Variants in PDE11A observed in about 807,000 individuals in gnomAD.
The protein encoded by PDE11A is dual 3',5'-cyclic-AMP and -GMP phosphodiesterase 11A.
In PDE11A, 100 loss-of-function variants were observed where a neutral mutation model predicts 100.5. The ratio of observed to expected loss-of-function variants is 1.00; its 90% confidence interval spans 0.85 to 1.18. The LOEUF (loss-of-function observed/expected upper bound fraction) is 1.18. Ranked by LOEUF, PDE11A falls within the 50% of genes most tolerant of loss-of-function variation. The probability of loss-of-function intolerance (pLI) is 0.00; values close to 1 mark genes in which losing one functional copy is unlikely to be tolerated. For synonymous variants in PDE11A, 381 were observed against 420.8 expected (o/e 0.91, Z 1.16); for missense variants, 1,141 against 1,152.6 (o/e 0.99, Z 0.15).
At chr2:177,681,324 C>T (rs2080860222) in intron 15 of PDE11A, among the ~76,000 whole-genome samples, 1 of 152,220 alleles carries the variant, frequency 6.6e-6, no homozygotes, top group Non-Finnish European at 1.5e-5. Flanking sequence ...ATAAGATAAA[C>T]TCCCTGGTAG....
At position 177,709,192 on chromosome 2, in the gene PDE11A, G is replaced by T. The variant is rs551063194; in HGVS notation, c.2153+2577C>A. Among the ~76,000 whole-genome samples the T allele has an allele frequency of 2.0e-5, 3 of 152,336 alleles. No homozygotes were observed. The East Asian group carries it at 5.8e-4, about 29-fold the overall frequency. On this transcript the variant is annotated intron_variant, in intron 13 of 19. Coordinates refer to ENST00000286063, the MANE Select transcript of PDE11A (RefSeq NM_016953.4). ...CCGAAGGGGCTAAGCTAAGGAACTG[G>T]AACACTATTCTAAAAGCCACAGGAG...
At chr2:178,069,587 G>GAA (rs71410796) in intron 1 of PDE11A, among the ~76,000 whole-genome samples, 3 of 143,442 alleles carry the variant, frequency 2.1e-5, no homozygotes, top group Non-Finnish European at 3.1e-5. Flanking sequence ...GGGGAAAAGG[G>GAA]AAAAAAAAAA....
At chr2:178,072,947 G>T (rs2087158872), upstream of PDE11A, 3 of 985,252 alleles carry the variant, frequency 3.0e-6, no homozygotes, top group Non-Finnish European at 3.6e-6. Flanking sequence ...GGCCGGAATC[G>T]GCGCCTGGGT....
At chr2:178,011,493 G>T (rs1233361476) in intron 2 of PDE11A, among the ~76,000 whole-genome samples, 1 of 152,134 alleles carries the variant, frequency 6.6e-6, no homozygotes, top group African/African-American at 2.4e-5. Context: ...AGATACATAG[G>T]GCGAGGTATA....
intron 2 of PDE11A, among the ~76,000 whole-genome samples, chr2:177,980,297 G>A (rs979677446): frequency 6.6e-6 from 1 of 150,822 alleles, no homozygotes; most frequent in African/African-American, 2.4e-5. Context: ...TATGACTAAT[G>A]TCCAATCAAC....
chr2:177,853,561 T>A (rs1379573748), intron 5 of PDE11A, among the ~76,000 whole-genome samples: 1 of 146,216 alleles, frequency 6.8e-6, no homozygotes, highest in Admixed American at 7.0e-5. Flanking sequence ...AGCCCCACAA[T>A]ATCTCTCTGT....
At chr2:177,661,379 G>A (rs2080483383) in intron 19 of PDE11A, among the ~76,000 whole-genome samples, 1 of 152,150 alleles carries the variant, frequency 6.6e-6, no homozygotes. Context: ...CTCAGTGAAT[G>A]GTGTCACATC....
At chr2:178,067,416 T>C (rs931873006) in intron 1 of PDE11A, among the ~76,000 whole-genome samples, 2 of 152,192 alleles carry the variant, frequency 1.3e-5, no homozygotes, top group Non-Finnish European at 2.9e-5. Flanking sequence ...TCTATGACAA[T>C]AGAATGTCAT....
At chr2:178,081,191 A>G (rs1200500457) in intron 2 of PDE11A, among the ~76,000 whole-genome samples, 2 of 152,236 alleles carry the variant, frequency 1.3e-5, no homozygotes, top group African/African-American at 4.8e-5. Flanking sequence ...AAGAATTAAT[A>G]AAGACAGAAC....
chr2:178,071,533 G>A lies in PDE11A; in HGVS notation c.905C>T (p.Ala302Val). The A allele has an allele frequency of 6.2e-7, 1 of 1,612,072 alleles. No homozygotes were observed. The highest frequency in any genetic ancestry group is 8.5e-7 in the Non-Finnish European group (1 of 1,178,126). Reference protein sequence around the residue: ...EHGETVNIPDAYQDRRFNDEI... With the variant: ...EHGETVNIPDVYQDRRFNDEI... ...GACAATGCAAAGTCCTACCTGGTAG[G>A]CATCAGGAATGTTGACCGTTTCTCC... The change falls in exon 1 of 20, where the codon GCC (alanine) becomes GTC (valine). Residue 302 changes from alanine to valine, a missense_variant. By Grantham distance (64) the Ala-to-Val change is moderately conservative. Coordinates refer to ENST00000286063, the MANE Select transcript of PDE11A (RefSeq NM_016953.4).
chr2:177,666,123 T>C (rs1408989384), intron 18 of PDE11A, among the ~76,000 whole-genome samples: 8 of 152,222 alleles, frequency 5.3e-5, no homozygotes, highest in Admixed American at 5.2e-4. Flanking sequence ...ATCTACTTTC[T>C]CTATCTATGG....
chr2:177,882,646 G>A (rs2084362638), intron 4 of PDE11A, among the ~76,000 whole-genome samples: 2 of 152,268 alleles, frequency 1.3e-5, no homozygotes, highest in Admixed American at 6.5e-5. Flanking sequence ...CTGGTTTCAA[G>A]CTTCCTTTGC....
chr2:177,650,932 C>T (rs534622098), intron 19 of PDE11A, among the ~76,000 whole-genome samples: 2 of 152,164 alleles, frequency 1.3e-5, no homozygotes, highest in Non-Finnish European at 2.9e-5. Flanking sequence ...ATACTAACAC[C>T]TGCACATACA....
intron 9 of PDE11A, among the ~76,000 whole-genome samples, chr2:177,802,982 G>A (rs970832860): frequency 6.6e-6 from 1 of 151,750 alleles, no homozygotes; most frequent in Admixed American, 6.6e-5. Context: ...TAGGGAAAGT[G>A]CATACTCCAA....
intron 2 of PDE11A, among the ~76,000 whole-genome samples, chr2:177,979,051 CA>C (rs2085843302): frequency 2.4e-5 from 3 of 122,866 alleles, no homozygotes; most frequent in African/African-American, 9.4e-5. Context: ...ACAATGTGCA[CA>C]TGTACCCTAA....
At chr2:177,986,125 C>T (rs947706123) in intron 2 of PDE11A, among the ~76,000 whole-genome samples, 1 of 152,168 alleles carries the variant, frequency 6.6e-6, no homozygotes, top group African/African-American at 2.4e-5. Flanking sequence ...CACTAAATTA[C>T]CATGACCCTG....
intron 2 of PDE11A, chr2:178,012,001 T>A (rs1222344479): frequency 6.6e-6 from 1 of 152,248 alleles, no homozygotes; most frequent in Non-Finnish European, 1.5e-5. Flanking sequence ...CTTCTGCTTT[T>A]CTCCTTCACC....
At chr2:177,858,041 A>C (rs981277269) in intron 5 of PDE11A, among the ~76,000 whole-genome samples, 6 of 151,936 alleles carry the variant, frequency 3.9e-5, no homozygotes, top group Non-Finnish European at 7.4e-5. Flanking sequence ...AACTGGCTAG[A>C]CATATGTAGA....
chr2:177,700,569 T>C (rs2081182529), intron 14 of PDE11A, among the ~76,000 whole-genome samples: 2 of 152,188 alleles, frequency 1.3e-5, no homozygotes, highest in Admixed American at 1.3e-4. Flanking sequence ...CATTGCCACA[T>C]GAAGCAAAAT....
Sources: gnomAD v4.1 joint callset for allele counts (sites outside exome capture counted in the v4.1 genomes callset) on GRCh38, gnomAD v4.1.1 for gene constraint, MANE v1.5 for transcripts, NCBI Gene and HGNC (gene_info 2026-07-23, HGNC 2026-07-21) for gene names.